Variants in MAP3K21 observed in about 807,000 individuals in gnomAD.
MAP3K21 encodes mitogen-activated protein kinase kinase kinase 21.
A neutral mutation model predicts 86.1 loss-of-function variants in MAP3K21; 63 were observed. The observed-to-expected ratio is 0.73, with a 90% CI of 0.60 to 0.90. The LOEUF is 0.90. MAP3K21 is among the 40% of genes least tolerant of loss of function. The pLI is 0.00. For synonymous variants in MAP3K21, 558 were observed against 564.8 expected (o/e 0.99, Z 0.17); for missense variants, 1,220 against 1,367.7 (o/e 0.89, Z 1.70).
At chr1:233,337,426 T>G (rs1662938915) in intron 1 of MAP3K21, among the ~76,000 whole-genome samples, 1 of 152,202 alleles carries the variant, frequency 6.6e-6, no homozygotes, top group South Asian at 2.1e-4. Context: ...CACTTCTAAG[T>G]GTTTTACATT....
At position 233,379,291 on chromosome 1, in the gene MAP3K21, G is replaced by C; in HGVS notation, c.2285G>C (p.Gly762Ala). 6.2e-7 allele frequency: 1 copy of C among 1,614,198 alleles called. No homozygotes were observed. The highest frequency in any genetic ancestry group is 8.5e-7 in the Non-Finnish European group (1 of 1,180,038). ...LPKEEKKKRE[G>A]IFQRASKSRR... is the part of the protein sequence containing the mutation. ...AAGGAAGAGAAGAAGAAACGAGAGG[G>C]AATCTTCCAGCGGGCTTCCAAGTCC... Residue 762 changes from glycine (G) to alanine (A), a missense_variant, in exon 9 of 10, where the codon GGA (glycine) becomes GCA (alanine). Gly to Ala is a moderately conservative substitution (Grantham distance 60). Coordinates refer to ENST00000366624, the MANE Select transcript of MAP3K21 (RefSeq NM_032435.3).
At position 233,354,919 on chromosome 1, in the gene MAP3K21, A is replaced by G; in HGVS notation, c.1219A>G (p.Thr407Ala). Residue 407 changes from threonine to alanine, a missense_variant, in exon 4 of 10, where the codon ACT (threonine) becomes GCT (alanine). Coordinates refer to ENST00000366624, the MANE Select transcript of MAP3K21 (RefSeq NM_032435.3). Reference sequence around the variant, plus strand: ...GACTGCTATTGAAGGGGCAGTGATGACTGAGATGCCTCAAGAATCTTTTCA... The same window carrying G: ...GACTGCTATTGAAGGGGCAGTGATGGCTGAGATGCCTCAAGAATCTTTTCA... Reference protein sequence around the residue: ...QLTAIEGAVMTEMPQESFHSM... With the variant: ...QLTAIEGAVMAEMPQESFHSM... 6.2e-7 allele frequency: 1 copy of G among 1,613,924 alleles called. No homozygotes were observed. Among genetic ancestry groups the G allele is most frequent in the South Asian group, 1.1e-5 (1 of 91,074 alleles).
intron 2 of MAP3K21, among the ~76,000 whole-genome samples, chr1:233,352,318 G>C (rs1331889881): frequency 5.9e-5 from 9 of 152,090 alleles, no homozygotes. Context: ...TCATTTGTTT[G>C]TGTTGGGAAC....
intron 4 of MAP3K21, among the ~76,000 whole-genome samples, chr1:233,357,742 G>T (rs1046851329): frequency 1.3e-5 from 2 of 152,200 alleles, no homozygotes; most frequent in Non-Finnish European, 2.9e-5. Context: ...GACTGCTGGG[G>T]CTGCCCATGC....
rs1449173099 is a variant in MAP3K21 at position 233,355,014 on chromosome 1, G to A, written c.1311+3G>A. ...ATGAGTTGAGAACAAAGGAAAAGGT[G>A]AGAGAAATTTTTAAACAGCATAATG... On this transcript the variant is annotated splice_donor_region_variant and intron_variant, in intron 4 of 9. Transcript: ENST00000366624. 6.2e-7 allele frequency: 1 copy of A among 1,605,864 alleles called. No homozygotes were observed. The highest frequency in any genetic ancestry group is 8.5e-7 in the Non-Finnish European group (1 of 1,174,504).
intron 8 of MAP3K21, 113 bp from the exon 9 acceptor site, chr1:233,378,818 T>G: frequency 3.9e-6 from 3 of 774,052 alleles, no homozygotes; most frequent in Non-Finnish European, 6.1e-6. Context: ...GGGCTGCATG[T>G]GTTTTGATTT....
At chr1:233,343,177 A>G (rs116297507) in intron 1 of MAP3K21, among the ~76,000 whole-genome samples, 2,118 of 152,320 alleles carry the variant, frequency 0.014, 53 homozygotes, top group African/African-American at 0.048. Flanking sequence ...TACAATCAAA[A>G]TGCACATCCA....
chr1:233,327,946 A>C lies in MAP3K21; in HGVS notation c.-83A>C. 1 of 1,137,848 alleles carries C rather than the reference A, an allele frequency of 8.8e-7. No homozygotes were observed. The highest frequency in any genetic ancestry group is 1.1e-6 in the Non-Finnish European group (1 of 906,646). The allele number at this position is 1,137,848 out of a possible 1,614,324, so 70.5% of individuals were successfully genotyped here. A position where few individuals can be genotyped will look rare whatever the true frequency, so the allele number is the denominator to read the frequency against. On this transcript the variant is annotated 5_prime_UTR_variant, in exon 1 of 10. Transcript: ENST00000366624. Reference sequence around the variant, plus strand: ...TCGCCTTCCCCCGGCGCCGACGGCCACACCGCCGGACGATGCGCGCCCGCG... The same window carrying C: ...TCGCCTTCCCCCGGCGCCGACGGCCCCACCGCCGGACGATGCGCGCCCGCG...
chr1:233,373,673 T>C (rs1365036670), intron 6 of MAP3K21: 2 of 152,322 alleles, frequency 1.3e-5, no homozygotes, highest in African/African-American at 4.8e-5. Flanking sequence ...CTTGTCTTCA[T>C]GTGTGTGCAC....
intron 6 of MAP3K21, among the ~76,000 whole-genome samples, chr1:233,374,826 CAG>C (rs1395733120): frequency 2.0e-5 from 3 of 151,014 alleles, no homozygotes; most frequent in African/African-American, 7.3e-5. Flanking sequence ...ATTATGGTCA[CAG>C]AGTATTCCAT....
chr1:233,329,218 T>C (rs2102755480), intron 1 of MAP3K21, among the ~76,000 whole-genome samples: 1 of 152,232 alleles, frequency 6.6e-6, no homozygotes, highest in African/African-American at 2.4e-5. Flanking sequence ...CCCATGACCG[T>C]CTTCACCCGG....
intron 1 of MAP3K21, among the ~76,000 whole-genome samples, chr1:233,341,415 A>C (rs1663037845): frequency 6.6e-6 from 1 of 152,140 alleles, no homozygotes; most frequent in Non-Finnish European, 1.5e-5. Flanking sequence ...CACCTCTGAG[A>C]TGGAATCCAA....
At chr1:233,332,506 T>A (rs1439809850) in intron 1 of MAP3K21, among the ~76,000 whole-genome samples, 1 of 152,160 alleles carries the variant, frequency 6.6e-6, no homozygotes, top group Non-Finnish European at 1.5e-5. Flanking sequence ...CCCTCTGCTG[T>A]GCACATGGAG....
At chr1:233,381,938 T>A (rs1663924008) in intron 9 of MAP3K21, among the ~76,000 whole-genome samples, 1 of 152,238 alleles carries the variant, frequency 6.6e-6, no homozygotes, top group South Asian at 2.1e-4. Flanking sequence ...ACCGTTATAA[T>A]ATCATTATAA....
intron 4 of MAP3K21, among the ~76,000 whole-genome samples, chr1:233,355,933 C>T (rs976507031): frequency 2.0e-5 from 3 of 152,146 alleles, no homozygotes; most frequent in Non-Finnish European, 2.9e-5. Context: ...TTCCATTGCC[C>T]ACTTTTTTGC....
At chr1:233,330,232 C>T (rs1457471606) in intron 1 of MAP3K21, among the ~76,000 whole-genome samples, 3 of 152,292 alleles carry the variant, frequency 2.0e-5, no homozygotes, top group Non-Finnish European at 4.4e-5. Flanking sequence ...TCATGATCCT[C>T]CTTCCCCCCA....
intron 1 of MAP3K21, among the ~76,000 whole-genome samples, chr1:233,330,725 TA>T (rs974856995): frequency 1.1e-4 from 16 of 152,220 alleles, no homozygotes; most frequent in African/African-American, 3.9e-4. Flanking sequence ...GTCCTTAGGC[TA>T]AAAAGTTAAA....
chr1:233,354,424 T>C (rs1663308900), intron 3 of MAP3K21, among the ~76,000 whole-genome samples: 1 of 152,236 alleles, frequency 6.6e-6, no homozygotes, highest in African/African-American at 2.4e-5. Context: ...TAGGCTATTT[T>C]TGATTTTTAG....
At chr1:233,374,931 C>T (rs1663760859) in intron 6 of MAP3K21, among the ~76,000 whole-genome samples, 1 of 150,638 alleles carries the variant, frequency 6.6e-6, no homozygotes, top group African/African-American at 2.5e-5. Context: ...CAATTTTCCC[C>T]AGTGATTTCC....
Sources: allele counts gnomAD v4.1 joint callset (sites outside exome capture counted in the v4.1 genomes callset), GRCh38; gene constraint gnomAD v4.1.1; transcripts MANE v1.5; gene names NCBI Gene and HGNC (gene_info 2026-07-23, HGNC 2026-07-21).